SPOPL: variants seen among roughly 807,000 people sequenced by gnomAD.
SPOPL encodes the protein speckle type BTB/POZ protein like, also known as speckle-type POZ protein-like.
In SPOPL, 23 loss-of-function variants were observed where a neutral mutation model predicts 53.8. The observed-to-expected ratio is 0.43, with a 90% CI of 0.31 to 0.61. SPOPL has a LOEUF of 0.61. Ranked by LOEUF, SPOPL falls within the 20% of genes least tolerant of loss-of-function variation. The pLI is 0.12. For synonymous variants in SPOPL, 164 were observed against 149.7 expected, an observed-to-expected ratio of 1.10 and a Z score of -0.70; for missense variants, 442 against 466.9, an observed-to-expected ratio of 0.95 and a Z score of 0.49.
intron 1 of SPOPL, among the ~76,000 whole-genome samples, chr2:138,533,822 A>T (rs540309828): frequency 9.9e-5 from 15 of 152,268 alleles, no homozygotes; most frequent in African/African-American, 3.1e-4. Context: ...GTAATTTACC[A>T]TTTGTTAATT....
chr2:138,568,823 A>G, intron 10 of SPOPL, 113 bp from the exon 11 acceptor site: 1 of 1,038,636 alleles, frequency 9.6e-7, no homozygotes, highest in Non-Finnish European at 1.4e-6. Flanking sequence ...TTGAATACAT[A>G]GGTAAAAAGT....
chr2:138,560,235 C>A (rs552932849), intron 7 of SPOPL, among the ~76,000 whole-genome samples: 32 of 152,082 alleles, frequency 2.1e-4, no homozygotes, highest in Non-Finnish European at 4.4e-4. Flanking sequence ...TGGGAGAATT[C>A]TGAGGTAGTG....
intron 1 of SPOPL, among the ~76,000 whole-genome samples, chr2:138,521,510 G>A (rs758450281): frequency 4.6e-5 from 7 of 151,966 alleles, no homozygotes; most frequent in East Asian, 1.9e-4. Context: ...ATTTTGTGGC[G>A]TTATATTGTG....
chr2:138,518,692 C>G (rs1553468119), intron 1 of SPOPL, among the ~76,000 whole-genome samples: 1 of 152,194 alleles, frequency 6.6e-6, no homozygotes, highest in Non-Finnish European at 1.5e-5. Context: ...CTTTTTCCAA[C>G]TGCACATCCA....
rs117696806 is a variant in SPOPL at position 138,560,074 on chromosome 2, T to A, written c.715-731T>A. Among the ~76,000 whole-genome samples, 33 of 152,330 alleles carry A rather than the reference T, an allele frequency of 2.2e-4. 1 individual carries two copies. The East Asian group carries it at 6.4e-3, about 29-fold the overall frequency. ...TTGACATCAAGGGGTCAGAAAAATT[T>A]GCTGTCATTTAGTTAGATATTTAGC... On this transcript the variant is annotated intron_variant, in intron 7 of 10. Coordinates refer to ENST00000280098, the MANE Select transcript of SPOPL (RefSeq NM_001001664.3).
chr2:138,513,493 T>G (rs1684372837), intron 1 of SPOPL, among the ~76,000 whole-genome samples: 1 of 152,060 alleles, frequency 6.6e-6, no homozygotes, highest in Non-Finnish European at 1.5e-5. Context: ...GAGGTTGCAG[T>G]GAGCCAAGAT....
intron 1 of SPOPL, among the ~76,000 whole-genome samples, chr2:138,512,713 G>T (rs1352061073): frequency 6.6e-6 from 1 of 152,062 alleles, no homozygotes; most frequent in Non-Finnish European, 1.5e-5. Flanking sequence ...TCCCACTTTT[G>T]CTTTGTTTTC....
At chr2:138,549,163 A>G (rs1289472672) in intron 1 of SPOPL, among the ~76,000 whole-genome samples, 1 of 152,066 alleles carries the variant, frequency 6.6e-6, no homozygotes, top group Non-Finnish European at 1.5e-5. Context: ...AGAATTGTCT[A>G]TTCTGCCTTC....
Position 138,569,419 on chromosome 2 carries a change from A to C in SPOPL, c.*339A>C, listed in dbSNP as rs572963829. ...TGCAGTAATATTGATAACTGAAGAT[A>C]CTAAGTTTCAAAAGGATCTTCCATT... is the stretch of plus-strand genomic sequence containing the variant. On this transcript the variant is annotated 3_prime_UTR_variant, in exon 11 of 11. Coordinates refer to ENST00000280098, the MANE Select transcript of SPOPL (RefSeq NM_001001664.3). The C allele has an allele frequency of 1.4e-3, 263 of 182,928 alleles. No individual in the cohort carries two copies. Among genetic ancestry groups the C allele is most frequent in the Non-Finnish European group, 2.3e-3 (207 of 88,592 alleles). 11.3% of individuals were successfully genotyped at this position (182,928 alleles called of 1,614,324 possible). A position where few individuals can be genotyped will look rare whatever the true frequency, so the allele number is the denominator to read the frequency against.
intron 1 of SPOPL, among the ~76,000 whole-genome samples, chr2:138,526,790 A>G (rs997000410): frequency 6.6e-6 from 1 of 150,514 alleles, no homozygotes; most frequent in Non-Finnish European, 1.5e-5. Flanking sequence ...GCAGTGGCAC[A>G]ATCTTGGCTC....
At chr2:138,523,504 C>G (rs947901948) in intron 1 of SPOPL, among the ~76,000 whole-genome samples, 1 of 152,050 alleles carries the variant, frequency 6.6e-6, no homozygotes, top group African/African-American at 2.4e-5. Context: ...TAGTTAACCC[C>G]CAAAGTCTCA....
At chr2:138,527,681 T>C (rs1454136881) in intron 1 of SPOPL, among the ~76,000 whole-genome samples, 1 of 152,250 alleles carries the variant, frequency 6.6e-6, no homozygotes. Flanking sequence ...CTTCCCATTT[T>C]GGACCTTCTC....
At chr2:138,519,585 G>T (rs1188396457) in intron 1 of SPOPL, among the ~76,000 whole-genome samples, 1 of 152,110 alleles carries the variant, frequency 6.6e-6, no homozygotes. Flanking sequence ...GATCACTTGA[G>T]CCCAGGAGTT....
chr2:138,513,911 A>T (rs1684383324), intron 1 of SPOPL, among the ~76,000 whole-genome samples: 1 of 152,192 alleles, frequency 6.6e-6, no homozygotes, highest in Non-Finnish European at 1.5e-5. Flanking sequence ...GCAGGATTTT[A>T]TTATACACTT....
chr2:138,505,615 AAAAAAAAT>A (rs1291952557), intron 1 of SPOPL, among the ~76,000 whole-genome samples: 2 of 150,256 alleles, frequency 1.3e-5, no homozygotes, highest in African/African-American at 4.9e-5. Flanking sequence ...AAAAAAAAAA[AAAAAAAAT>A]AGTTAGTTGG....
intron 1 of SPOPL, among the ~76,000 whole-genome samples, chr2:138,545,683 C>T (rs1685179389): frequency 6.6e-6 from 1 of 152,082 alleles, no homozygotes; most frequent in Admixed American, 6.6e-5. Flanking sequence ...TCATGATCCG[C>T]CCACCTCGGC....
intron 1 of SPOPL, among the ~76,000 whole-genome samples, chr2:138,523,119 C>T (rs913867209): frequency 1.3e-4 from 20 of 152,168 alleles, no homozygotes; most frequent in Non-Finnish European, 4.4e-5. Context: ...ATACCTGAGA[C>T]CGGGCAGTTT....
intron 1 of SPOPL, among the ~76,000 whole-genome samples, chr2:138,513,882 AG>A (rs1412389509): frequency 6.6e-6 from 1 of 152,204 alleles, no homozygotes; most frequent in Non-Finnish European, 1.5e-5. Flanking sequence ...TTTAGGGTAG[AG>A]GGAATATGGT....
chr2:138,565,281 C>T (rs1199599334), intron 10 of SPOPL, among the ~76,000 whole-genome samples: 2 of 152,142 alleles, frequency 1.3e-5, no homozygotes, highest in African/African-American at 4.8e-5. Context: ...CATGCCCCTT[C>T]AGAAAGCATT....
Sources: allele counts gnomAD v4.1 joint callset (sites outside exome capture counted in the v4.1 genomes callset), GRCh38; gene constraint gnomAD v4.1.1; transcripts MANE v1.5; gene names NCBI Gene and HGNC (gene_info 2026-07-23, HGNC 2026-07-21).